The following NDUFAF2 variants were observed in gnomAD, a reference collection of about 807,000 sequenced individuals.
NDUFAF2 encodes the protein NADH dehydrogenase [ubiquinone] 1 alpha subcomplex assembly factor 2.
A neutral mutation model predicts 22.8 loss-of-function variants in NDUFAF2; 13 were observed. The observed-to-expected ratio is 0.57, with a 90% CI of 0.37 to 0.91. NDUFAF2 has a LOEUF of 0.91. Ranked by LOEUF, NDUFAF2 falls within the 40% of genes least tolerant of loss-of-function variation. The probability of loss-of-function intolerance (pLI) is 0.01; values close to 1 mark genes in which losing one functional copy is unlikely to be tolerated. For synonymous variants in NDUFAF2, 53 were observed against 64.2 expected, an observed-to-expected ratio of 0.83 and a Z score of 0.84; for missense variants, 162 against 195.2, an observed-to-expected ratio of 0.83 and a Z score of 1.01.
At chr5:61,067,492 T>C (rs1206309892) in intron 1 of NDUFAF2, among the ~76,000 whole-genome samples, 1 of 152,110 alleles carries the variant, frequency 6.6e-6, no homozygotes, top group African/African-American at 2.4e-5. Context: ...CATGAACTCA[T>C]CATTTTTTAT....
intron 3 of NDUFAF2, among the ~76,000 whole-genome samples, chr5:61,099,845 C>T (rs1752685642): frequency 6.6e-6 from 1 of 152,086 alleles, no homozygotes; most frequent in African/African-American, 2.4e-5. Context: ...CTACTACAAG[C>T]CCTGATGACA....
intron 3 of NDUFAF2, among the ~76,000 whole-genome samples, chr5:61,136,039 A>ATATATATATATATATATATC (rs1367597510): frequency 2.9e-5 from 3 of 103,388 alleles, no homozygotes; most frequent in Admixed American, 1.0e-4. Context: ...ATATATATAT[A>ATATATATATATATATATATC]TATCTAGGGT....
At chr5:61,039,225 G>C (rs1294176597) in intron 1 of NDUFAF2, among the ~76,000 whole-genome samples, 1 of 151,512 alleles carries the variant, frequency 6.6e-6, no homozygotes, top group Non-Finnish European at 1.5e-5. Context: ...TAAGGAAGTG[G>C]CATTTGTACT....
At chr5:60,989,564 A>G (rs1299010140) in intron 1 of NDUFAF2, among the ~76,000 whole-genome samples, 1 of 152,234 alleles carries the variant, frequency 6.6e-6, no homozygotes, top group Non-Finnish European at 1.5e-5. Flanking sequence ...AATATTATGC[A>G]GTCATAAAAA....
intron 3 of NDUFAF2, among the ~76,000 whole-genome samples, chr5:61,120,697 A>G (rs1025894594): frequency 2.0e-5 from 3 of 150,768 alleles, no homozygotes; most frequent in Non-Finnish European, 4.4e-5. Context: ...GGTGCATATT[A>G]AAAGTATACA....
intron 3 of NDUFAF2, among the ~76,000 whole-genome samples, chr5:61,141,344 A>T (rs1741054551): frequency 6.6e-6 from 1 of 151,990 alleles, no homozygotes; most frequent in African/African-American, 2.4e-5. Flanking sequence ...TTATAATTTA[A>T]TTTTTTTAAA....
intron 3 of NDUFAF2, among the ~76,000 whole-genome samples, chr5:61,108,701 A>ATTTATTGAAGAGACTGTCC (rs1413073793): frequency 1.5e-4 from 23 of 152,148 alleles, no homozygotes; most frequent in Non-Finnish European, 2.5e-4. Flanking sequence ...TCCCAGCACC[A>ATTTATTGAAGAGACTGTCC]TTTATTGAAG....
chr5:61,128,966 C>G (rs1753072588), intron 3 of NDUFAF2, among the ~76,000 whole-genome samples: 1 of 151,826 alleles, frequency 6.6e-6, no homozygotes, highest in Non-Finnish European at 1.5e-5. Context: ...AAAAACAACC[C>G]CATCAAAAAG....
intron 1 of NDUFAF2, among the ~76,000 whole-genome samples, chr5:61,018,689 G>T (rs951963420): frequency 2.6e-5 from 4 of 152,040 alleles, no homozygotes; most frequent in Non-Finnish European, 5.9e-5. Flanking sequence ...AGTTTGTAGT[G>T]TTCTTAAATT....
intron 1 of NDUFAF2, among the ~76,000 whole-genome samples, chr5:60,950,445 A>G (rs1268299344): frequency 6.6e-6 from 1 of 151,966 alleles, no homozygotes; most frequent in African/African-American, 2.4e-5. Context: ...TTGGCCTCCT[A>G]AAGTGCTGGG....
At chr5:60,953,897 A>G (rs1750580616) in intron 1 of NDUFAF2, among the ~76,000 whole-genome samples, 1 of 152,166 alleles carries the variant, frequency 6.6e-6, no homozygotes, top group Admixed American at 6.5e-5. Context: ...TCGGTATAAA[A>G]TTATTTGAGA....
chr5:61,022,489 G>A (rs943371155), intron 1 of NDUFAF2, among the ~76,000 whole-genome samples: 1 of 152,140 alleles, frequency 6.6e-6, no homozygotes, highest in Non-Finnish European at 1.5e-5. Flanking sequence ...AGCTCTTTGA[G>A]GATATTATTC....
intron 2 of NDUFAF2, chr5:61,083,301 C>G (rs1405782864): frequency 6.6e-6 from 1 of 151,792 alleles, no homozygotes; most frequent in East Asian, 1.9e-4. Context: ...TTTAAACCAT[C>G]TTGAGTTCAT....
intron 3 of NDUFAF2, among the ~76,000 whole-genome samples, chr5:61,140,533 A>G (rs1741038145): frequency 6.6e-6 from 1 of 152,240 alleles, no homozygotes; most frequent in African/African-American, 2.4e-5. Context: ...TTTCAGATGA[A>G]CAAGGGATAA....
At chr5:60,994,107 C>T (rs759089331) in intron 1 of NDUFAF2, among the ~76,000 whole-genome samples, 22 of 152,290 alleles carry the variant, frequency 1.4e-4, no homozygotes, top group East Asian at 5.8e-4. Context: ...GCTGAGGTGG[C>T]GGGGGCTGGC....
At chr5:61,034,071 A>G (rs143714235) in intron 1 of NDUFAF2, among the ~76,000 whole-genome samples, 34 of 152,250 alleles carry the variant, frequency 2.2e-4, no homozygotes, top group Middle Eastern at 3.4e-3. Context: ...AGGCAGTGCT[A>G]TAGGGATTTG....
intron 3 of NDUFAF2, chr5:61,116,847 T>C (rs996281614): frequency 2.0e-5 from 3 of 152,184 alleles, no homozygotes; most frequent in Non-Finnish European, 2.9e-5. Flanking sequence ...AATGGAGAGA[T>C]TTTTTTCCCC....
At chr5:60,983,006 G>A (rs36135119) in intron 1 of NDUFAF2, among the ~76,000 whole-genome samples, 59,952 of 150,294 alleles carry the variant, frequency 0.4, 12,811 homozygotes, top group East Asian at 0.8. Context: ...ACTAGTTTAC[G>A]GTCCCACCAA....
intron 1 of NDUFAF2, among the ~76,000 whole-genome samples, chr5:61,041,899 A>T (rs904637558): frequency 4.6e-5 from 7 of 152,180 alleles, no homozygotes; most frequent in African/African-American, 1.7e-4. Flanking sequence ...CAATCTAAAA[A>T]TCCCCATTGC....
Sources: gnomAD v4.1 joint callset for allele counts (sites outside exome capture counted in the v4.1 genomes callset) on GRCh38, gnomAD v4.1.1 for gene constraint, MANE v1.5 for transcripts, NCBI Gene and HGNC (gene_info 2026-07-23, HGNC 2026-07-21) for gene names.